Variants in GGA1 observed in about 807,000 individuals in gnomAD.
GGA1 encodes golgi associated, gamma adaptin ear containing, ARF binding protein 1.
In GGA1, 18 loss-of-function variants were observed where a neutral mutation model predicts 76.9. That is an observed-to-expected ratio of 0.23 (90% CI 0.16 to 0.35). The LOEUF (loss-of-function observed/expected upper bound fraction) is 0.35, where lower values mean the gene tolerates loss of function less well. Ranked by LOEUF, GGA1 falls within the 10% of genes least tolerant of loss-of-function variation. GGA1 has a pLI of 1.00. For synonymous variants in GGA1, 342 were observed against 354.7 expected, an observed-to-expected ratio of 0.96 and a Z score of 0.40; for missense variants, 755 against 859.0, an observed-to-expected ratio of 0.88 and a Z score of 1.51.
At chr22:37,611,833 A>G (rs1015461745) in intron 1 of GGA1, among the ~76,000 whole-genome samples, 1 of 152,242 alleles carries the variant, frequency 6.6e-6, no homozygotes, top group Non-Finnish European at 1.5e-5. Flanking sequence ...TGGCCTTCCC[A>G]TGCAAAAAGT....
rs779022783 is a variant in GGA1, at chr22:37,631,119, G to C, written c.1528+20G>C. 1.6e-5 allele frequency: 24 copies of C among 1,522,124 alleles called. No homozygotes were observed. Among genetic ancestry groups the C allele is most frequent in the Admixed American group, 2.3e-5 (1 of 44,242 alleles). 94.3% of individuals were successfully genotyped at this position (1,522,124 alleles called of 1,614,324 possible). A position where few individuals can be genotyped will look rare whatever the true frequency, so the allele number is the denominator to read the frequency against. On this transcript the variant is annotated intron_variant, in intron 14 of 16. Transcript: ENST00000343632. The stretch of plus-strand genomic sequence containing the variant: ...AACCCAGTGAGTAGGGCTGGGGCAG[G>C]TGCAGGCTGGGTTGGGTCAGCTTGC...
intron 5 of GGA1, 81 bp from the exon 6 acceptor site, chr22:37,620,732 T>G: frequency 2.3e-6 from 2 of 875,206 alleles, no homozygotes; most frequent in Non-Finnish European, 3.9e-6. Context: ...TGTCCTACCC[T>G]TGCCTGCCCC....
rs1195559942 is a variant in GGA1 at position 37,630,377 on chromosome 22, GGT to G, written c.1331+210_1331+211del. ...GGCCCACTGGCCTGGCCTCCCCCCA[GGT>G]GTTCCCAGCTCCCTTGAGAAAGGTC... On this transcript the variant is annotated intron_variant, in intron 13 of 16. Coordinates refer to ENST00000343632, the MANE Select transcript of GGA1 (RefSeq NM_013365.5). 4 of 534,478 alleles carry G rather than the reference GGT, an allele frequency of 7.5e-6. No homozygotes were observed. The African/African-American group carries it at 1.0e-4, about 13-fold the overall frequency. 33.1% of individuals were successfully genotyped at this position (534,478 alleles called of 1,614,324 possible).
At chr22:37,627,783 G>A (rs889783018) in intron 11 of GGA1, among the ~76,000 whole-genome samples, 1 of 152,206 alleles carries the variant, frequency 6.6e-6, no homozygotes, top group Non-Finnish European at 1.5e-5. Context: ...GAAGTGCCAG[G>A]GCAGCCTGCA....
chr22:37,613,127 G>A, intron 1 of GGA1: 2 of 985,404 alleles, frequency 2.0e-6, no homozygotes, highest in Non-Finnish European at 2.4e-6. Flanking sequence ...AGGAGTAGAG[G>A]ATTAGAGAAG....
At chr22:37,618,252 C>T (rs1431754892) in intron 3 of GGA1, 196 bp from the exon 4 acceptor site, 5 of 565,202 alleles carry the variant, frequency 8.8e-6, no homozygotes, top group South Asian at 6.6e-5. Flanking sequence ...GTATGTAGGT[C>T]GCCTGACCCT....
chr22:37,629,621 C>A, intron 12 of GGA1, 95 bp downstream of exon 12: 1 of 804,058 alleles, frequency 1.2e-6, no homozygotes, highest in East Asian at 3.0e-5. Flanking sequence ...GATGGATGGG[C>A]TCTACTCAAG....
At chr22:37,631,679 ACT>A (rs1457653658) in intron 14 of GGA1, among the ~76,000 whole-genome samples, 1 of 151,954 alleles carries the variant, frequency 6.6e-6, no homozygotes, top group African/African-American at 2.4e-5. Context: ...ACAGCGTGAG[ACT>A]CACCCTCACC....
intron 7 of GGA1, among the ~76,000 whole-genome samples, chr22:37,622,710 T>A (rs990402577): frequency 3.3e-5 from 5 of 152,210 alleles, no homozygotes; most frequent in African/African-American, 1.2e-4. Flanking sequence ...CTGGATGTGG[T>A]GGCTCATGCC....
rs1208434697 is a variant in GGA1, at chr22:37,623,816, T to A, written c.832+183T>A. 1 of 583,168 alleles carries A rather than the reference T, an allele frequency of 1.7e-6. No individual in the cohort carries two copies. The highest frequency in any genetic ancestry group is 3.1e-6 in the Non-Finnish European group (1 of 323,068). The allele number at this position is 583,168 out of a possible 1,614,324, so 36.1% of individuals were successfully genotyped here. A position where few individuals can be genotyped will look rare whatever the true frequency, so the allele number is the denominator to read the frequency against. On this transcript the variant is annotated intron_variant, in intron 9 of 16. Coordinates refer to ENST00000343632, the MANE Select transcript of GGA1 (RefSeq NM_013365.5). This position sits in a 1 kb window ranked among gnomAD's most constrained non-coding sequence, Gnocchi z 4.6. ...CACAGAGCAGGGGCCGCCCCCCTGTTGAGAGGCCCTGTGGGCCAGCCCCCT... is the reference window on the plus strand; with the variant it reads ...CACAGAGCAGGGGCCGCCCCCCTGTAGAGAGGCCCTGTGGGCCAGCCCCCT...
At chr22:37,620,782 TGAC>T (rs1337462643) in intron 5 of GGA1, 28 bp from the exon 6 acceptor site, 1 of 1,362,244 alleles carries the variant, frequency 7.3e-7, no homozygotes, top group Non-Finnish European at 1.1e-6. Flanking sequence ...TGGGACATAT[TGAC>T]AGCCTTTCTG....
At chr22:37,621,343 G>A (rs1929854605) in intron 6 of GGA1, among the ~76,000 whole-genome samples, 1 of 152,192 alleles carries the variant, frequency 6.6e-6, no homozygotes. Context: ...CTTGTACATT[G>A]TCCCAGAAAG....
Position 37,625,100 on chromosome 22 carries a change from G to C in GGA1, c.940+24G>C. ...TGGTGAGGAGGTGGCAGGAGAGCTG[G>C]GAGGGCACCCATCAGGCTGGAGGGG... is the stretch of plus-strand genomic sequence containing the variant. On this transcript the variant is annotated intron_variant, in intron 10 of 16. Coordinates refer to ENST00000343632, the MANE Select transcript of GGA1 (RefSeq NM_013365.5). The surrounding 1 kb of genome is among the most constrained non-coding windows in gnomAD (Gnocchi z 4.1). The C allele has an allele frequency of 6.4e-7, 1 of 1,561,214 alleles. No individual in the cohort carries two copies. The highest frequency in any genetic ancestry group is 8.7e-7 in the Non-Finnish European group (1 of 1,151,186).
rs757940217 is a variant in GGA1 at position 37,620,238 on chromosome 22, T to C, written c.304T>C (p.Tyr102His). 1 of 1,613,832 alleles carries C rather than the reference T, an allele frequency of 6.2e-7. No individual in the cohort carries two copies. Among genetic ancestry groups the C allele is most frequent in the African/African-American group, 1.3e-5 (1 of 74,862 alleles). The part of the protein sequence containing the change: ...NELIKVVSPK[Y>H]LGSRTSEKVK... Reference sequence around the variant, plus strand: ...AGGCCTCCCCACTGTGTCCCTGAAGTATCTGGGCTCTCGGACATCGGAGAA... The same window carrying C: ...AGGCCTCCCCACTGTGTCCCTGAAGCATCTGGGCTCTCGGACATCGGAGAA... Residue 102 changes from tyrosine to histidine, a missense_variant and splice_region_variant, in exon 5 of 17, where the codon TAT becomes CAT. Physicochemically the swap from Tyr to His is moderately conservative, Grantham distance 83. Coordinates refer to ENST00000343632, the MANE Select transcript of GGA1 (RefSeq NM_013365.5).
Position 37,623,441 on chromosome 22 carries a change from G to T in GGA1, c.724G>T (p.Ala242Ser). 1 of 1,614,092 alleles carries T rather than the reference G, an allele frequency of 6.2e-7. No homozygotes were observed. The highest frequency in any genetic ancestry group is 8.5e-7 in the Non-Finnish European group (1 of 1,179,986). The change falls in exon 8 of 17, where the codon GCT (alanine) becomes TCT (serine). Residue 242 changes from alanine (A) to serine (S), a missense_variant. Coordinates refer to ENST00000343632, the MANE Select transcript of GGA1 (RefSeq NM_013365.5). The surrounding 1 kb of genome is among the most constrained non-coding windows in gnomAD (Gnocchi z 4.6). The part of the protein sequence containing the change: ...VMSHSQGGAA[A>S]GSSEDLMKEL... ...GAGCCACAGCCAGGGCGGCGCAGCA[G>T]CTGGCAGCAGCGAGGACCTCATGAA...
At position 37,625,933 on chromosome 22, in the gene GGA1, C is replaced by T. The variant is rs1023699518; in HGVS notation, c.1077C>T (p.Asp359=). The T allele has an allele frequency of 2.5e-6, 4 of 1,597,460 alleles. No individual in the cohort carries two copies. Among genetic ancestry groups the T allele is most frequent in the South Asian group, 1.1e-5 (1 of 90,164 alleles). ...GTGCCTCAGTTTCCCTGCTTGACGA[C>T]GAGCTCATGTCTCTGGGTGAGGAAG... ...QPSASVSLLD[D]ELMSLGLSDP... The change falls in exon 11 of 17, where the codon GAC becomes GAT. Residue 359 remains aspartate (D), a synonymous_variant. Transcript: ENST00000343632. The surrounding 1 kb of genome is among the most constrained non-coding windows in gnomAD (Gnocchi z 4.1).
intron 11 of GGA1, chr22:37,626,451 G>A (rs1465056336): frequency 6.6e-6 from 1 of 152,322 alleles, no homozygotes; most frequent in African/African-American, 2.4e-5. Flanking sequence ...GAGCCCAGCA[G>A]GGGCCAGGCT....
At chr22:37,629,909 C>A in intron 12 of GGA1, 89 bp from the exon 13 acceptor site, 1 of 917,768 alleles carries the variant, frequency 1.1e-6, no homozygotes. Context: ...ATGTCATTTG[C>A]AAGGAGGACA....
At chr22:37,617,954 T>A (rs887780158) in intron 3 of GGA1, 1 of 156,322 alleles carries the variant, frequency 6.4e-6, no homozygotes. Context: ...AAGCCCCATG[T>A]CTACTAAAAA....
Sources: gnomAD v4.1 joint callset for allele counts (sites outside exome capture counted in the v4.1 genomes callset) on GRCh38, gnomAD v4.1.1 for gene constraint, Gnocchi (gnomAD v3.1) non-coding constraint, MANE v1.5 for transcripts, NCBI Gene and HGNC (gene_info 2026-07-23, HGNC 2026-07-21) for gene names.